Variants in RSPH4A observed in about 807,000 individuals in gnomAD.
The protein encoded by RSPH4A is radial spoke head component 4A, also known as radial spoke head protein 4 homolog A.
Under a neutral mutation model 71.0 loss-of-function variants are expected in RSPH4A, and 47 were observed. The ratio of observed to expected loss-of-function variants is 0.66; its 90% CI spans 0.52 to 0.84. RSPH4A has a LOEUF of 0.84. Ranked by LOEUF, RSPH4A falls within the 40% of genes least tolerant of loss-of-function variation. The probability of loss-of-function intolerance (pLI) is 0.00; values close to 1 mark genes in which losing one functional copy is unlikely to be tolerated. For synonymous variants in RSPH4A, 282 were observed against 302.3 expected (o/e 0.93, Z 0.70); for missense variants, 793 against 855.2 (o/e 0.93, Z 0.91).
intron 1 of RSPH4A, among the ~76,000 whole-genome samples, chr6:116,619,404 T>A (rs1383336686): frequency 1.3e-5 from 2 of 152,202 alleles, no homozygotes; most frequent in Non-Finnish European, 2.9e-5. Flanking sequence ...CAGAGTATAC[T>A]TTTAGTTTCT....
In RSPH4A at chr6:116,628,091, T is replaced by G; in HGVS notation, c.1384T>G (p.Phe462Val). The G allele has an allele frequency of 6.2e-7, 1 of 1,614,156 alleles. No individual in the cohort carries two copies. Among genetic ancestry groups the G allele is most frequent in the African/African-American group, 1.3e-5 (1 of 75,026 alleles). Residue 462 changes from phenylalanine to valine, a missense_variant, in exon 3 of 6, where the codon TTC becomes GTC. Transcript: ENST00000229554. ...IVIARKIKKF[F>V]TGRLDAPIIS... ...TATTGCAAGAAAAATCAAGAAATTTTTCACTGGGCGATTGGATGCTCCCAT... is the reference window on the plus strand; with the variant it reads ...TATTGCAAGAAAAATCAAGAAATTTGTCACTGGGCGATTGGATGCTCCCAT...
intron 3 of RSPH4A, 22 bp downstream of exon 3, chr6:116,628,391 A>G (rs1383666085): frequency 1.4e-5 from 22 of 1,567,896 alleles, no homozygotes; most frequent in African/African-American, 4.1e-5. Context: ...GCACTTCTCA[A>G]TCTATCAGGT....
Position 116,616,751 on chromosome 6 carries a change from T to C in RSPH4A, c.128T>C (p.Leu43Ser), listed in dbSNP as rs772564504. 1 of 1,614,118 alleles carries C rather than the reference T, an allele frequency of 6.2e-7. No individual in the cohort carries two copies. Among genetic ancestry groups the C allele is most frequent in the Non-Finnish European group, 8.5e-7 (1 of 1,180,012 alleles). The change falls in exon 1 of 6, where the codon TTG (leucine) becomes TCG (serine). Residue 43 changes from leucine to serine, a missense_variant. By Grantham distance (145) the Leu-to-Ser change is moderately radical. Coordinates refer to ENST00000229554, the MANE Select transcript of RSPH4A (RefSeq NM_001010892.3). ...TCTGAGCCTGAGTCGTCTGAGCCCT[T>C]GGAGGCGAAGCAGGGGCCAGAAACT... Reference protein sequence around the residue: ...QYSEPESSEPLEAKQGPETGR... With the variant: ...QYSEPESSEPSEAKQGPETGR...
Position 116,632,190 on chromosome 6 carries a change from CTTT to C in RSPH4A, c.1917-14_1917-12del. The stretch of plus-strand genomic sequence containing the variant: ...TATATAATGATCTTTTTTTCTTCTT[CTTT>C]TTCTTACTTATAGAAAGTTTGAAAA... On this transcript the variant is annotated splice_polypyrimidine_tract_variant and intron_variant, in intron 5 of 5. Coordinates refer to ENST00000229554, the MANE Select transcript of RSPH4A (RefSeq NM_001010892.3). 1 of 1,567,468 alleles carries C rather than the reference CTTT, an allele frequency of 6.4e-7. No homozygotes were observed.
At chr6:116,630,577 C>A in intron 5 of RSPH4A, 25 bp downstream of exon 5, 1 of 1,082,634 alleles carries the variant, frequency 9.2e-7, no homozygotes, top group Non-Finnish European at 1.4e-6. Context: ...ACTTACAAAG[C>A]CATTTCTGTG....
chr6:116,617,466 C>T (rs1775530899), intron 1 of RSPH4A, among the ~76,000 whole-genome samples, 157 bp downstream of exon 1: 1 of 150,966 alleles, frequency 6.6e-6, no homozygotes, highest in Non-Finnish European at 1.5e-5. Flanking sequence ...TCACATGACT[C>T]AAAACAGGTC....
At chr6:116,619,280 G>A (rs1050017943) in intron 1 of RSPH4A, among the ~76,000 whole-genome samples, 6 of 152,180 alleles carry the variant, frequency 3.9e-5, no homozygotes, top group Non-Finnish European at 8.8e-5. Flanking sequence ...GCCTCTCTGT[G>A]GAGCATTCTT....
Position 116,632,903 on chromosome 6 carries a change from A to G in RSPH4A, c.*462A>G. 1 of 186,976 alleles carries G rather than the reference A, an allele frequency of 5.3e-6. No homozygotes were observed. The highest frequency in any genetic ancestry group is 1.1e-5 in the Non-Finnish European group (1 of 88,422). The allele number at this position is 186,976 out of a possible 1,614,324, so 11.6% of individuals were successfully genotyped here. On this transcript the variant is annotated 3_prime_UTR_variant, in exon 6 of 6. Coordinates refer to ENST00000229554, the MANE Select transcript of RSPH4A (RefSeq NM_001010892.3). ...GTGTCAAGGGGTATGAAGACAAAAA[A>G]TATTGATAGTCACTAGAGTAATGTA...
At chr6:116,626,483 A>T (rs1775695788) in intron 2 of RSPH4A, among the ~76,000 whole-genome samples, 1 of 152,076 alleles carries the variant, frequency 6.6e-6, no homozygotes, top group South Asian at 2.1e-4. Flanking sequence ...CTGGGACTAC[A>T]GGTGCTCCCC....
intron 1 of RSPH4A, among the ~76,000 whole-genome samples, chr6:116,618,373 CAG>C (rs1775545029): frequency 6.6e-6 from 1 of 152,166 alleles, no homozygotes. Flanking sequence ...TGGAGGCCCC[CAG>C]AGAGCAAGGA....
chr6:116,622,952 T>C lies in RSPH4A; in HGVS notation c.871T>C (p.Phe291Leu). ...AATAGCAGAAAAGCAAAAGGCTCTT[T>C]TTCTCCAGGGACATTTGGAAGGAGT... ...YEIAEKQKAL[F>L]LQGHLEGVDQ... The change falls in exon 2 of 6, where the codon TTT becomes CTT. Residue 291 changes from phenylalanine to leucine, a missense_variant. Phe to Leu is a conservative substitution (Grantham distance 22). Transcript: ENST00000229554. The C allele has an allele frequency of 1.2e-6, 2 of 1,613,834 alleles. No homozygotes were observed. The highest frequency in any genetic ancestry group is 1.7e-6 in the Non-Finnish European group (2 of 1,179,858).
rs560306248 is a variant in RSPH4A at position 116,632,838 on chromosome 6, C to G, written c.*397C>G. The stretch of plus-strand genomic sequence containing the variant: ...ATACGACAAACACTGGAAGATATAA[C>G]CCACAGGAAATTCTTGGAAACATCA... On this transcript the variant is annotated 3_prime_UTR_variant, in exon 6 of 6. Transcript: ENST00000229554. 4.9e-6 allele frequency: 1 copy of G among 205,586 alleles called. No individual in the cohort carries two copies. The highest frequency in any genetic ancestry group is 2.3e-5 in the African/African-American group (1 of 42,638). 12.7% of individuals were successfully genotyped at this position (205,586 alleles called of 1,614,324 possible).
chr6:116,632,620 AT>A lies in RSPH4A; in HGVS notation c.*184del. 2.6e-6 allele frequency: 2 copies of A among 761,064 alleles called. No individual in the cohort carries two copies. The highest frequency in any genetic ancestry group is 2.0e-6 in the Non-Finnish European group (1 of 491,798). The allele number at this position is 761,064 out of a possible 1,614,324, so 47.1% of individuals were successfully genotyped here. A position where few individuals can be genotyped will look rare whatever the true frequency, so the allele number is the denominator to read the frequency against. ...AAATTTCATAGGTAGAAATATTAGCATTTTTATTGAAAGATACTCACAGGAT... is the reference window on the plus strand; with the variant it reads ...AAATTTCATAGGTAGAAATATTAGCATTTTATTGAAAGATACTCACAGGAT... On this transcript the variant is annotated 3_prime_UTR_variant, in exon 6 of 6. Transcript: ENST00000229554.
intron 4 of RSPH4A, 107 bp from the exon 5 acceptor site, chr6:116,630,328 T>G (rs1775772835): frequency 2.6e-6 from 2 of 769,822 alleles, no homozygotes; most frequent in Admixed American, 3.4e-5. Context: ...TGTGTGTATC[T>G]GTGTGTGTGC....
chr6:116,616,994 A>T lies in RSPH4A; in HGVS notation c.371A>T (p.Tyr124Phe). Residue 124 changes from tyrosine (Y) to phenylalanine (F), a missense_variant, in exon 1 of 6, where the codon TAT (tyrosine) becomes TTT (phenylalanine). Transcript: ENST00000229554. ...GTGATTCCTGAAGCTGGGACACCTT[A>T]TCCTGATCCTTTGGAACAATCATCT... is the stretch of plus-strand genomic sequence containing the variant. ...TSVIPEAGTPYPDPLEQSSDK... is the reference protein window; with the variant it reads ...TSVIPEAGTPFPDPLEQSSDK... The T allele has an allele frequency of 6.2e-7, 1 of 1,614,180 alleles. No homozygotes were observed. Among genetic ancestry groups the T allele is most frequent in the Non-Finnish European group, 8.5e-7 (1 of 1,180,032 alleles).
chr6:116,619,358 G>T (rs996020721), intron 1 of RSPH4A, among the ~76,000 whole-genome samples: 1 of 152,100 alleles, frequency 6.6e-6, no homozygotes, highest in African/African-American at 2.4e-5. Flanking sequence ...AGACAAAGTA[G>T]GTTAGAGAAT....
intron 2 of RSPH4A, among the ~76,000 whole-genome samples, chr6:116,626,438 A>T (rs9400939): frequency 0.36 from 55,142 of 151,708 alleles, 10,654 homozygotes; most frequent in African/African-American, 0.5. Context: ...ACCTCCTGGG[A>T]TCACGCCATT....
At chr6:116,622,675 T>C (rs1012594385) in intron 1 of RSPH4A, 93 bp from the exon 2 acceptor site, 6 of 836,750 alleles carry the variant, frequency 7.2e-6, no homozygotes, top group Admixed American at 1.9e-5. Flanking sequence ...TTAACGTCTA[T>C]ATTTATCTAA....
In RSPH4A at chr6:116,617,154, A is replaced by C; in HGVS notation, c.531A>C (p.Arg177Ser). ...ACAACGCTAAACAGAAAGAGCTGAG[A>C]TTTGACGTTTTTCAGGAGGAAGACT... ...SYNNAKQKEL[R>S]FDVFQEEDSN... Residue 177 changes from arginine to serine, a missense_variant, in exon 1 of 6, where the codon AGA becomes AGC. Arg to Ser is a moderately radical substitution (Grantham distance 110). Transcript: ENST00000229554. 6.2e-7 allele frequency: 1 copy of C among 1,614,200 alleles called. No individual in the cohort carries two copies. The highest frequency in any genetic ancestry group is 8.5e-7 in the Non-Finnish European group (1 of 1,180,032).
Sources: gnomAD v4.1 joint callset for allele counts (sites outside exome capture counted in the v4.1 genomes callset) on GRCh38, gnomAD v4.1.1 for gene constraint, MANE v1.5 for transcripts, NCBI Gene and HGNC (gene_info 2026-07-23, HGNC 2026-07-21) for gene names.